The following CORIN variants were observed in gnomAD, a reference collection of about 807,000 sequenced individuals.
CORIN encodes corin, serine peptidase, also known as atrial natriuretic peptide-converting enzyme.
A neutral mutation model predicts 125.3 loss-of-function variants in CORIN; 117 were observed. The ratio of observed to expected loss-of-function variants is 0.93; its 90% CI spans 0.80 to 1.09. The LOEUF (loss-of-function observed/expected upper bound fraction) is 1.09, where lower values mean the gene tolerates loss of function less well. Among genes scored for constraint, CORIN ranks in the 50% least tolerant of loss-of-function variants. The probability of loss-of-function intolerance (pLI) is 0.00; values close to 1 mark genes in which losing one functional copy is unlikely to be tolerated. For synonymous variants in CORIN, 450 were observed against 466.4 expected, an observed-to-expected ratio of 0.96 and a Z score of 0.45; for missense variants, 1,253 against 1,306.7, an observed-to-expected ratio of 0.96 and a Z score of 0.63.
intron 10 of CORIN, among the ~76,000 whole-genome samples, chr4:47,669,048 C>T (rs1042282565): frequency 1.3e-5 from 2 of 152,100 alleles, no homozygotes; most frequent in South Asian, 4.1e-4. Context: ...GCATCACAAA[C>T]GTGAGGATAT....
At chr4:47,617,430 G>A (rs1232401708) in intron 19 of CORIN, among the ~76,000 whole-genome samples, 1 of 152,174 alleles carries the variant, frequency 6.6e-6, no homozygotes, top group Non-Finnish European at 1.5e-5. Context: ...CAAAACAATG[G>A]GATTGCACGT....
chr4:47,652,919 A>G (rs1188768438), intron 13 of CORIN, among the ~76,000 whole-genome samples: 1 of 152,202 alleles, frequency 6.6e-6, no homozygotes, highest in Non-Finnish European at 1.5e-5. Flanking sequence ...TGGCTTTATA[A>G]TTTAATAATA....
chr4:47,790,451 G>A (rs931280883), intron 2 of CORIN, among the ~76,000 whole-genome samples: 1 of 152,116 alleles, frequency 6.6e-6, no homozygotes, highest in Non-Finnish European at 1.5e-5. Flanking sequence ...GAGAGTCCCT[G>A]TTTCCCTTTT....
intron 16 of CORIN, 30 bp from the exon 17 acceptor site, chr4:47,626,551 T>G (rs1560478419): frequency 1.5e-6 from 2 of 1,317,204 alleles, no homozygotes; most frequent in Middle Eastern, 1.8e-4. Flanking sequence ...GGATAAGTAT[T>G]CAAAGTACAA....
At chr4:47,712,999 T>G (rs1726918213) in intron 5 of CORIN, among the ~76,000 whole-genome samples, 2 of 152,146 alleles carry the variant, frequency 1.3e-5, no homozygotes, top group African/African-American at 4.8e-5. Context: ...AGGATTAACT[T>G]TATAGTAGAT....
At chr4:47,799,960 C>T (rs1731466585) in intron 2 of CORIN, among the ~76,000 whole-genome samples, 1 of 152,034 alleles carries the variant, frequency 6.6e-6, no homozygotes, top group Non-Finnish European at 1.5e-5. Flanking sequence ...GTGAGTAAAC[C>T]TTAAAAACAT....
intron 7 of CORIN, chr4:47,681,794 A>G (rs1043694883): frequency 3.3e-5 from 5 of 152,236 alleles, no homozygotes; most frequent in Non-Finnish European, 7.3e-5. Context: ...ACTACTGGGC[A>G]TATACCCAAA....
chr4:47,761,480 T>C (rs1012060296), intron 4 of CORIN, among the ~76,000 whole-genome samples: 11 of 144,410 alleles, frequency 7.6e-5, no homozygotes, highest in African/African-American at 2.8e-4. Flanking sequence ...GAAAATGTGA[T>C]ACACACACAC....
chr4:47,642,186 C>A, intron 15 of CORIN, 137 bp from the exon 16 acceptor site: 1 of 847,474 alleles, frequency 1.2e-6, no homozygotes, highest in East Asian at 3.2e-5. Flanking sequence ...GTGTACCTAC[C>A]CTGTGCAAAT....
At chr4:47,807,996 A>G in intron 1 of CORIN, among the ~76,000 whole-genome samples, 1 of 152,204 alleles carries the variant, frequency 6.6e-6, no homozygotes, top group East Asian at 1.9e-4. Context: ...TACCTCCTGA[A>G]TCTCTCTTGC....
intron 12 of CORIN, among the ~76,000 whole-genome samples, chr4:47,654,213 ATC>A (rs1723860908): frequency 6.6e-6 from 1 of 152,224 alleles, no homozygotes; most frequent in African/African-American, 2.4e-5. Flanking sequence ...AATTAAACTC[ATC>A]TCTGAGTTCA....
chr4:47,800,038 A>T (rs1229151711), intron 2 of CORIN, among the ~76,000 whole-genome samples: 2 of 152,208 alleles, frequency 1.3e-5, no homozygotes, highest in Non-Finnish European at 2.9e-5. Context: ...GAATAGGTAC[A>T]TCTACAGTGA....
At chr4:47,815,017 T>C (rs531086733) in intron 1 of CORIN, among the ~76,000 whole-genome samples, 11 of 152,266 alleles carry the variant, frequency 7.2e-5, no homozygotes, top group African/African-American at 2.4e-4. Context: ...GCAGGCACCA[T>C]ATAACATTAG....
intron 5 of CORIN, among the ~76,000 whole-genome samples, chr4:47,743,772 C>A (rs1728527910): frequency 6.6e-6 from 1 of 152,046 alleles, no homozygotes. Context: ...ATAATCCCAG[C>A]TACTCGGGAG....
At chr4:47,774,948 T>C (rs1052828883) in intron 3 of CORIN, among the ~76,000 whole-genome samples, 2 of 152,142 alleles carry the variant, frequency 1.3e-5, no homozygotes, top group African/African-American at 4.8e-5. Context: ...TTGCCAGAGG[T>C]TGGGCAGAAG....
At chr4:47,604,658 G>T (rs551611076) in intron 19 of CORIN, among the ~76,000 whole-genome samples, 1 of 152,190 alleles carries the variant, frequency 6.6e-6, no homozygotes, top group South Asian at 2.1e-4. Context: ...TGCCAATCCT[G>T]CTTTCAAATA....
chr4:47,823,824 C>T (rs1365315317), intron 1 of CORIN, among the ~76,000 whole-genome samples: 1 of 152,232 alleles, frequency 6.6e-6, no homozygotes, highest in African/African-American at 2.4e-5. Context: ...AGACGCCGTG[C>T]TCATTCTGCC....
intron 5 of CORIN, among the ~76,000 whole-genome samples, chr4:47,717,453 A>C (rs957393452): frequency 2.6e-5 from 4 of 152,146 alleles, no homozygotes; most frequent in Non-Finnish European, 5.9e-5. Context: ...GAAATCCTTC[A>C]TTCAGCCCTT....
intron 5 of CORIN, among the ~76,000 whole-genome samples, chr4:47,708,561 T>G (rs766975500): frequency 6.6e-6 from 1 of 152,092 alleles, no homozygotes; most frequent in Admixed American, 6.5e-5. Flanking sequence ...TGGACATCTT[T>G]GGGGGGGTCA....
Sources: gnomAD v4.1 joint callset for allele counts (sites outside exome capture counted in the v4.1 genomes callset) on GRCh38, gnomAD v4.1.1 for gene constraint, MANE v1.5 for transcripts, NCBI Gene and HGNC (gene_info 2026-07-23, HGNC 2026-07-21) for gene names.